Variants in LSAMP observed in about 807,000 individuals in gnomAD.
LSAMP encodes the protein limbic system associated membrane protein.
LSAMP carries 7 observed loss-of-function variants against 38.6 expected under a neutral mutation model. The observed-to-expected ratio is 0.18, with a 90% CI of 0.10 to 0.34. The LOEUF (loss-of-function observed/expected upper bound fraction) is 0.34. Among genes scored for constraint, LSAMP ranks in the 10% least tolerant of loss-of-function variants. The probability of loss-of-function intolerance (pLI) is 1.00; values close to 1 mark genes in which losing one functional copy is unlikely to be tolerated. For missense variants in LSAMP, 313 were observed against 420.0 expected, an observed-to-expected ratio of 0.75 and a Z score of 2.23; for synonymous variants, 154 against 166.8, an observed-to-expected ratio of 0.92 and a Z score of 0.59.
chr3:116,014,922 A>G (rs921516510), intron 3 of LSAMP, among the ~76,000 whole-genome samples: 2 of 152,156 alleles, frequency 1.3e-5, no homozygotes, highest in African/African-American at 4.8e-5. Flanking sequence ...AGATGAGAGT[A>G]ATAGCATTAA....
intron 1 of LSAMP, among the ~76,000 whole-genome samples, chr3:116,421,169 C>T (rs2049118235): frequency 6.6e-6 from 1 of 152,032 alleles, no homozygotes; most frequent in African/African-American, 2.4e-5. Context: ...ATAAAAGAAA[C>T]CTTGATAAAT....
chr3:115,825,252 A>C (rs1047431420), intron 6 of LSAMP, among the ~76,000 whole-genome samples: 1 of 152,198 alleles, frequency 6.6e-6, no homozygotes, highest in Non-Finnish European at 1.5e-5. Context: ...CCTCTATTGC[A>C]CTAACTACCG....
chr3:116,004,502 G>T (rs1298358923), intron 3 of LSAMP, among the ~76,000 whole-genome samples: 2 of 139,164 alleles, frequency 1.4e-5, no homozygotes, highest in Non-Finnish European at 3.1e-5. Flanking sequence ...GAAACCAAAT[G>T]TGTGTGTGTA....
rs766651497 is a variant in LSAMP at position 115,814,886 on chromosome 3, CA to C, written c.920-4473del. 3.3e-5 allele frequency among the ~76,000 whole-genome samples: 5 copies of C among 152,308 alleles called. No individual in the cohort carries two copies. The South Asian group carries it at 6.2e-4, about 19-fold the overall frequency. ...TCTCCTAAGAATCTGCCTCCCGTAG[CA>C]TCTAGCCCAGCGGACTAAGGCATGT... On this transcript the variant is annotated intron_variant, in intron 6 of 6. Coordinates refer to ENST00000490035, the MANE Select transcript of LSAMP (RefSeq NM_002338.5).
At position 116,105,177 on chromosome 3, in the gene LSAMP, GA is replaced by G. The variant is rs35932620; in HGVS notation, c.156-18622del. ...AGATATTTTTCAGTTTGACTAGGGG[GA>G]AAAAAAAAAAAACTGCCACAGCTGG... On this transcript the variant is annotated intron_variant, in intron 1 of 6. Coordinates refer to ENST00000490035, the MANE Select transcript of LSAMP (RefSeq NM_002338.5). Among the ~76,000 whole-genome samples, 253 of 143,834 alleles carry G rather than the reference GA, an allele frequency of 1.8e-3. 1 individual carries two copies. Among genetic ancestry groups the G allele is most frequent in the Middle Eastern group, 3.7e-3 (1 of 272 alleles). The allele number at this position is 143,834 out of a possible 152,430, so 94.4% of individuals were successfully genotyped here.
chr3:115,933,782 CAG>C (rs1937620559), intron 3 of LSAMP, among the ~76,000 whole-genome samples: 1 of 152,150 alleles, frequency 6.6e-6, no homozygotes. Flanking sequence ...TTGAAACAAA[CAG>C]AGGAGAGTCA....
chr3:116,424,511 A>T (rs1257675750), intron 1 of LSAMP, among the ~76,000 whole-genome samples: 2 of 152,222 alleles, frequency 1.3e-5, no homozygotes, highest in Admixed American at 6.5e-5. Context: ...TTTTATAATC[A>T]ATTGAGGGTC....
At chr3:116,080,390 A>G (rs996278323) in intron 2 of LSAMP, among the ~76,000 whole-genome samples, 6 of 152,212 alleles carry the variant, frequency 3.9e-5, no homozygotes, top group Non-Finnish European at 8.8e-5. Context: ...AGAAGGAAGG[A>G]CAAAAGCAGT....
intron 6 of LSAMP, among the ~76,000 whole-genome samples, chr3:115,825,786 A>G (rs960300237): frequency 6.6e-6 from 1 of 152,214 alleles, no homozygotes; most frequent in Non-Finnish European, 1.5e-5. Context: ...CCATCACTTT[A>G]AATATTTATA....
At chr3:116,392,755 A>G (rs7630573) in intron 1 of LSAMP, among the ~76,000 whole-genome samples, 11,495 of 152,228 alleles carry the variant, frequency 0.076, 463 homozygotes, top group African/African-American at 0.1. Flanking sequence ...CCATGGACCA[A>G]TCAGCATACA....
intron 1 of LSAMP, among the ~76,000 whole-genome samples, chr3:116,321,934 G>A (rs1381004232): frequency 6.6e-6 from 1 of 152,118 alleles, no homozygotes; most frequent in Non-Finnish European, 1.5e-5. Flanking sequence ...ATGGTTTAGT[G>A]ATGCTTATTT....
rs748726935 is a variant in LSAMP, at chr3:116,444,906, G to T, written c.126C>A (p.Thr42=). The change falls in exon 1 of 7, where the codon ACC becomes ACA. Residue 42 remains threonine, a synonymous_variant. Coordinates refer to ENST00000490035, the MANE Select transcript of LSAMP (RefSeq NM_002338.5). ...VDFNRGTDNI[T]VRQGDTAILR... is the part of the protein sequence containing the mutation. ...GGATGGCTGTGTCCCCCTGCCTCAC[G>T]GTGATGTTGTCCGTGCCTCGGTTAA... The T allele has an allele frequency of 6.2e-7, 1 of 1,613,912 alleles. No individual in the cohort carries two copies. The highest frequency in any genetic ancestry group is 1.1e-5 in the South Asian group (1 of 91,078).
At chr3:116,069,998 G>C (rs1707562164) in intron 2 of LSAMP, among the ~76,000 whole-genome samples, 2 of 152,102 alleles carry the variant, frequency 1.3e-5, no homozygotes, top group Admixed American at 1.3e-4. Flanking sequence ...AAACATATAG[G>C]AATATGAAGA....
At chr3:115,820,693 C>T (rs1314581429) in intron 6 of LSAMP, among the ~76,000 whole-genome samples, 1 of 152,126 alleles carries the variant, frequency 6.6e-6, no homozygotes, top group African/African-American at 2.4e-5. Flanking sequence ...ATTTCTCTAG[C>T]ACAGAAGAAT....
chr3:116,010,137 G>A (rs970259551), intron 3 of LSAMP, among the ~76,000 whole-genome samples: 13 of 152,048 alleles, frequency 8.5e-5, no homozygotes, highest in African/African-American at 2.4e-4. Flanking sequence ...GCCTGGTCTC[G>A]AACTCCTGAC....
intron 2 of LSAMP, among the ~76,000 whole-genome samples, chr3:116,081,206 G>C (rs1369925023): frequency 6.6e-6 from 1 of 152,182 alleles, no homozygotes; most frequent in Non-Finnish European, 1.5e-5. Flanking sequence ...GCTCATGCCT[G>C]TATTCCCAGC....
chr3:115,921,835 T>G (rs1937389924), intron 3 of LSAMP, among the ~76,000 whole-genome samples: 1 of 152,166 alleles, frequency 6.6e-6, no homozygotes, highest in Admixed American at 6.5e-5. Flanking sequence ...TATTCTTTAC[T>G]GATAGGATTT....
chr3:116,395,301 T>G (rs1013066936), intron 1 of LSAMP, among the ~76,000 whole-genome samples: 1 of 152,264 alleles, frequency 6.6e-6, no homozygotes, highest in Non-Finnish European at 1.5e-5. Context: ...CCACAAGAAA[T>G]AGAGTAGTTC....
At chr3:116,438,742 A>G (rs1468611123) in intron 1 of LSAMP, among the ~76,000 whole-genome samples, 2 of 152,198 alleles carry the variant, frequency 1.3e-5, no homozygotes, top group African/African-American at 4.8e-5. Flanking sequence ...GTCTAACCCA[A>G]ATGAGAGACA....
Sources: allele counts gnomAD v4.1 joint callset (sites outside exome capture counted in the v4.1 genomes callset), GRCh38; gene constraint gnomAD v4.1.1; transcripts MANE v1.5; gene names NCBI Gene and HGNC (gene_info 2026-07-23, HGNC 2026-07-21).